TMEM132B: variants seen among roughly 807,000 people sequenced by gnomAD.
TMEM132B encodes transmembrane protein 132B.
A neutral mutation model predicts 90.8 loss-of-function variants in TMEM132B; 18 were observed. That is an observed-to-expected ratio of 0.20 (90% CI 0.14 to 0.29). The LOEUF (loss-of-function observed/expected upper bound fraction) is 0.29. Among genes scored for constraint, TMEM132B ranks in the 10% least tolerant of loss-of-function variants. The pLI is 1.00. For synonymous variants in TMEM132B, 504 were observed against 523.3 expected (o/e 0.96, Z 0.50); for missense variants, 1,096 against 1,326.8 (o/e 0.83, Z 2.70).
Position 125,334,225 on chromosome 12 carries a change from C to T in TMEM132B, c.68-15227C>T, listed in dbSNP as rs1422532033. 2.0e-5 allele frequency among the ~76,000 whole-genome samples: 3 copies of T among 152,138 alleles called. No individual in the cohort carries two copies. In the East Asian group the frequency reaches 5.8e-4, roughly 29 times the overall value. ...AATATAAGAGCAATTAACACATATG[C>T]AGAATCGTCCGTTACTCAATCCATA... is the stretch of plus-strand genomic sequence containing the variant. On this transcript the variant is annotated intron_variant, in intron 1 of 8. Coordinates refer to ENST00000682704, the MANE Select transcript of TMEM132B (RefSeq NM_001366854.1).
At chr12:125,361,589 A>C (rs1877959691) in intron 2 of TMEM132B, among the ~76,000 whole-genome samples, 1 of 152,226 alleles carries the variant, frequency 6.6e-6, no homozygotes, top group African/African-American at 2.4e-5. Flanking sequence ...CTTGGAGCCC[A>C]GATCAAGTCG....
chr12:125,571,258 A>C (rs1436556716), intron 4 of TMEM132B, among the ~76,000 whole-genome samples: 1 of 152,156 alleles, frequency 6.6e-6, no homozygotes, highest in Non-Finnish European at 1.5e-5. Flanking sequence ...AAATCATGGA[A>C]TCTTTCAGCT....
At chr12:125,318,187 TAA>T (rs11366682) in intron 1 of TMEM132B, among the ~76,000 whole-genome samples, 1 of 151,900 alleles carries the variant, frequency 6.6e-6, no homozygotes, top group African/African-American at 2.4e-5. Context: ...ACAATAAAAG[TAA>T]AAAAAACTCA....
intron 5 of TMEM132B, chr12:125,622,630 T>C: frequency 2.0e-6 from 2 of 985,430 alleles, no homozygotes; most frequent in Non-Finnish European, 2.4e-6. Flanking sequence ...ACTTTGAGTG[T>C]GAGTTTAGGT....
chr12:125,613,297 A>G (rs1383121909), intron 5 of TMEM132B, among the ~76,000 whole-genome samples: 1 of 145,762 alleles, frequency 6.9e-6, no homozygotes, highest in African/African-American at 2.5e-5. Context: ...ATACATGTGT[A>G]GTAATCACAT....
chr12:125,494,208 C>G (rs373647127), intron 3 of TMEM132B, among the ~76,000 whole-genome samples: 1 of 107,760 alleles, frequency 9.3e-6, no homozygotes, highest in Admixed American at 9.4e-5. Context: ...GAAATGGATG[C>G]GTCCCCTCCT....
At chr12:125,519,702 T>C (rs1957039709) in intron 4 of TMEM132B, 77 bp downstream of exon 4, 1 of 1,426,758 alleles carries the variant, frequency 7.0e-7, no homozygotes, top group Non-Finnish European at 9.7e-7. Flanking sequence ...TAATCTGTTA[T>C]TTTCCACATA....
chr12:125,497,011 T>C (rs1882579854), intron 3 of TMEM132B, among the ~76,000 whole-genome samples: 1 of 152,202 alleles, frequency 6.6e-6, no homozygotes, highest in Non-Finnish European at 1.5e-5. Flanking sequence ...GTTGATGAAA[T>C]GCACTGATTA....
chr12:125,398,238 T>C (rs1424702460), intron 2 of TMEM132B, among the ~76,000 whole-genome samples: 1 of 152,178 alleles, frequency 6.6e-6, no homozygotes, highest in African/African-American at 2.4e-5. Context: ...CTGACAATCC[T>C]CTTACCTGCT....
chr12:125,387,542 C>G (rs938501404), intron 2 of TMEM132B, among the ~76,000 whole-genome samples: 3 of 152,186 alleles, frequency 2.0e-5, no homozygotes, highest in South Asian at 2.1e-4. Context: ...GTCTTCCCTC[C>G]TTCTGTAGGT....
chr12:125,521,727 C>T (rs1455651528), intron 4 of TMEM132B, among the ~76,000 whole-genome samples: 1 of 152,190 alleles, frequency 6.6e-6, no homozygotes, highest in Non-Finnish European at 1.5e-5. Flanking sequence ...AGAGATTCAA[C>T]TGTTGCGAAG....
intron 4 of TMEM132B, among the ~76,000 whole-genome samples, chr12:125,578,983 T>A (rs961207664): frequency 6.6e-6 from 1 of 152,212 alleles, no homozygotes; most frequent in Admixed American, 6.5e-5. Context: ...TTAATGTTTT[T>A]AATAAAATCT....
At chr12:125,577,339 A>G (rs1884963522) in intron 4 of TMEM132B, among the ~76,000 whole-genome samples, 1 of 151,358 alleles carries the variant, frequency 6.6e-6, no homozygotes, top group African/African-American at 2.4e-5. Context: ...TCCTTATTTT[A>G]GAAATCTGAA....
chr12:125,427,355 G>A (rs949148433), intron 3 of TMEM132B, among the ~76,000 whole-genome samples: 6 of 152,130 alleles, frequency 3.9e-5, no homozygotes, highest in Admixed American at 1.3e-4. Context: ...ACCACTCTTG[G>A]CTCCATTATA....
chr12:125,535,663 C>T (rs900250508), intron 4 of TMEM132B, among the ~76,000 whole-genome samples: 10 of 152,204 alleles, frequency 6.6e-5, no homozygotes, highest in African/African-American at 2.4e-4. Context: ...GAAGAAGCTG[C>T]TGGATTCTTT....
intron 1 of TMEM132B, among the ~76,000 whole-genome samples, chr12:125,331,171 G>A (rs1876758199): frequency 6.6e-6 from 1 of 152,216 alleles, no homozygotes; most frequent in South Asian, 2.1e-4. Flanking sequence ...CAGCGCCGGG[G>A]AGGGCCTGGT....
chr12:125,439,253 C>T (rs1030032717), intron 3 of TMEM132B, among the ~76,000 whole-genome samples: 10 of 152,124 alleles, frequency 6.6e-5, no homozygotes, highest in African/African-American at 1.7e-4. Context: ...GCACATTGCT[C>T]TGGGCAAGGT....
At chr12:125,295,882 A>T (rs1875660559) in intron 1 of TMEM132B, among the ~76,000 whole-genome samples, 1 of 152,242 alleles carries the variant, frequency 6.6e-6, no homozygotes, top group South Asian at 2.1e-4. Flanking sequence ...ATCAGGCGGC[A>T]CTTAGCACTG....
At chr12:125,362,220 C>T (rs990759638) in intron 2 of TMEM132B, among the ~76,000 whole-genome samples, 1 of 152,198 alleles carries the variant, frequency 6.6e-6, no homozygotes, top group African/African-American at 2.4e-5. Context: ...TTCTCCTGCT[C>T]AGCGCTTCCC....
Sources: gnomAD v4.1 joint callset for allele counts (sites outside exome capture counted in the v4.1 genomes callset) on GRCh38, gnomAD v4.1.1 for gene constraint, MANE v1.5 for transcripts, NCBI Gene and HGNC (gene_info 2026-07-23, HGNC 2026-07-21) for gene names.